Variants in MAN2C1 observed in about 807,000 individuals in gnomAD.
MAN2C1 encodes mannosidase alpha class 2C member 1.
A neutral mutation model predicts 126.9 loss-of-function variants in MAN2C1; 111 were observed. The observed-to-expected ratio is 0.87, with a 90% confidence interval of 0.75 to 1.02. The LOEUF (loss-of-function observed/expected upper bound fraction) is 1.02. Ranked by LOEUF, MAN2C1 falls within the 50% of genes least tolerant of loss-of-function variation. MAN2C1 has a pLI of 0.00. For missense variants in MAN2C1, 1,363 were observed against 1,364.4 expected (o/e 1.00, Z 0.02); for synonymous variants, 567 against 561.5 (o/e 1.01, Z -0.14).
chr15:75,360,726 G>T, intron 12 of MAN2C1, 38 bp from the exon 13 acceptor site: 1 of 1,607,752 alleles, frequency 6.2e-7, no homozygotes, highest in South Asian at 1.1e-5. Flanking sequence ...CAGCCTTGGA[G>T]ACCACATGGC....
chr15:75,356,354 A>G lies in MAN2C1; in HGVS notation c.2833T>C (p.Trp945Arg). Residue 945 changes from tryptophan to arginine, a missense_variant, in exon 24 of 26, where the codon TGG becomes CGG. By Grantham distance (101) the Trp-to-Arg change is moderately radical. This residue lies in a region of MAN2C1 where 668 missense variants were observed against 650.1 expected (regional missense o/e 1.03). Transcript: ENST00000267978. This position sits in a 1 kb window ranked among gnomAD's most constrained non-coding sequence, Gnocchi z 5.8. ...GGTGAAGACACGGAAAACGCACTCC[A>G]GGAGGTGGCGGGCGCTGGGCTGGGG... The part of the protein sequence containing the change: ...PAPSPAPATS[W>R]SAFSVSSPAV... 1 of 1,612,274 alleles carries G rather than the reference A, an allele frequency of 6.2e-7. No homozygotes were observed. The highest frequency in any genetic ancestry group is 8.5e-7 in the Non-Finnish European group (1 of 1,179,446).
At chr15:75,360,486 C>G in intron 13 of MAN2C1, 79 bp downstream of exon 13, 8 of 1,572,146 alleles carry the variant, frequency 5.1e-6, no homozygotes, top group Non-Finnish European at 6.9e-6. Context: ...GGCCTGGGCT[C>G]TGTCCCCTGC....
chr15:75,358,857 T>C (rs1475285840), intron 18 of MAN2C1, 49 bp from the exon 19 acceptor site: 2 of 1,502,644 alleles, frequency 1.3e-6, no homozygotes, highest in Non-Finnish European at 1.8e-6. Context: ...CCTCGCTGTC[T>C]CCAGCTGCTC....
chr15:75,368,566 G>C lies in MAN2C1; in HGVS notation c.18C>G (p.Ala6=). Residue 6 remains alanine (A), a synonymous_variant, in exon 1 of 26, where the codon GCC becomes GCG. Transcript: ENST00000267978. ...CCAGCGTGGTGCGCCAGTGCTTCAA[G>C]GCCGGCGCAGCCGCCATCGCCGGGC... MAAAP[A]LKHWRTTLER... is the part of the protein sequence containing the mutation. 1 of 1,547,232 alleles carries C rather than the reference G, an allele frequency of 6.5e-7. No individual in the cohort carries two copies. The highest frequency in any genetic ancestry group is 8.7e-7 in the Non-Finnish European group (1 of 1,146,642).
At position 75,356,417 on chromosome 15, in the gene MAN2C1, C is replaced by T; in HGVS notation, c.2770G>A (p.Ala924Thr). Residue 924 changes from alanine to threonine, a missense_variant, in exon 24 of 26, where the codon GCC (alanine) becomes ACC (threonine). Physicochemically the swap from Ala to Thr is moderately conservative, Grantham distance 58. Coordinates refer to ENST00000267978, the MANE Select transcript of MAN2C1 (RefSeq NM_006715.4). The surrounding 1 kb of genome is among the most constrained non-coding windows in gnomAD (Gnocchi z 5.8). ...AACAGGGGGAAGTTTAGGCTGTAGG[C>T]AGCTTGGATAACGCCAGCATCCTGG... ...SFQDAGVIQA[A>T]YSLNFPLLAL... The T allele has an allele frequency of 6.2e-7, 1 of 1,608,124 alleles. No individual in the cohort carries two copies. Among genetic ancestry groups the T allele is most frequent in the African/African-American group, 1.3e-5 (1 of 75,018 alleles).
intron 6 of MAN2C1, chr15:75,363,411 A>C: frequency 2.4e-6 from 1 of 420,052 alleles, no homozygotes; most frequent in Non-Finnish European, 4.8e-6. Flanking sequence ...AGTGCCTCAG[A>C]CTCCCCACCA....
At position 75,356,510 on chromosome 15, in the gene MAN2C1, G is replaced by A. The variant is rs577850118; in HGVS notation, c.2738-61C>T. On this transcript the variant is annotated intron_variant, in intron 23 of 25. Transcript: ENST00000267978. The surrounding 1 kb of genome is among the most constrained non-coding windows in gnomAD (Gnocchi z 5.8). Reference sequence around the variant, plus strand: ...TGGGGGCTACCCTCCCCTGTCCCTAGAAGGGGCAGGAAGCCAGGTTGCTGG... The same window carrying A: ...TGGGGGCTACCCTCCCCTGTCCCTAAAAGGGGCAGGAAGCCAGGTTGCTGG... 4.5e-6 allele frequency: 7 copies of A among 1,557,112 alleles called. No individual in the cohort carries two copies. In the African/African-American group the frequency reaches 8.1e-5, roughly 18 times the overall value.
Position 75,356,638 on chromosome 15 carries a change from T to C in MAN2C1, c.2705A>G (p.His902Arg), listed in dbSNP as rs750452105. ...APDATADTGR[H>R]EFTYALMPHK... is the part of the protein sequence containing the mutation. The stretch of plus-strand genomic sequence containing the variant: ...CGGCATCAGTGCATAGGTGAACTCG[T>C]GGCGCCCCGTGTCAGCAGTAGCGTC... Residue 902 changes from histidine (H) to arginine (R), a missense_variant, in exon 23 of 26, where the codon CAC becomes CGC. His to Arg is a conservative substitution (Grantham distance 29, BLOSUM62 0). Transcript: ENST00000267978. The surrounding 1 kb of genome is among the most constrained non-coding windows in gnomAD (Gnocchi z 5.8). The C allele has an allele frequency of 6.4e-7, 1 of 1,570,052 alleles. No homozygotes were observed. The highest frequency in any genetic ancestry group is 8.6e-7 in the Non-Finnish European group (1 of 1,157,978).
intron 2 of MAN2C1, 23 bp from the exon 3 acceptor site, chr15:75,367,657 G>C (rs773395551): frequency 3.1e-6 from 5 of 1,613,766 alleles, no homozygotes; most frequent in Non-Finnish European, 4.2e-6. Flanking sequence ...TGTTGTGATA[G>C]GCCTAGAGGT....
chr15:75,367,792 G>T (rs1289527543), intron 2 of MAN2C1, 158 bp from the exon 3 acceptor site: 1 of 994,704 alleles, frequency 1.0e-6, no homozygotes, highest in Admixed American at 2.8e-5. Flanking sequence ...AAGGTGAGAA[G>T]CAAGATGAGG....
intron 18 of MAN2C1, 82 bp from the exon 19 acceptor site, chr15:75,358,890 G>C: frequency 1.4e-6 from 2 of 1,384,100 alleles, no homozygotes; most frequent in Non-Finnish European, 2.0e-6. Context: ...GGTGGAGTGA[G>C]TAGACCCAGT....
At position 75,368,141 on chromosome 15, in the gene MAN2C1, T is replaced by C; in HGVS notation, c.159A>G (p.Arg53=). The change falls in exon 2 of 26, where the codon AGA becomes AGG. Residue 53 remains arginine (R), a synonymous_variant. Coordinates refer to ENST00000267978, the MANE Select transcript of MAN2C1 (RefSeq NM_006715.4). ...AVLSSFLTPE[R]LPYQEAVQRD... is the part of the protein sequence containing the mutation. The stretch of plus-strand genomic sequence containing the variant: ...GCTGGACTGCCTCCTGGTAGGGAAG[T>C]CTCTCCGGCGTCAGGAAGCTGGAGA... 6.2e-7 allele frequency: 1 copy of C among 1,605,340 alleles called. No individual in the cohort carries two copies.
intron 4 of MAN2C1, chr15:75,365,853 G>C (rs2072563996): frequency 1.5e-5 from 5 of 343,478 alleles, no homozygotes; most frequent in Non-Finnish European, 2.9e-5. Flanking sequence ...GGGAAGCTGA[G>C]AGGGGCGGAT....
At chr15:75,368,261 T>C in intron 1 of MAN2C1, 63 bp from the exon 2 acceptor site, 2 of 1,535,762 alleles carry the variant, frequency 1.3e-6, no homozygotes. Context: ...GGGGGCCAGC[T>C]GGCCGGTGGG....
At position 75,358,842 on chromosome 15, in the gene MAN2C1, A is replaced by G. The variant is rs779397683; in HGVS notation, c.2142-34T>C. The G allele has an allele frequency of 2.6e-6, 4 of 1,557,012 alleles. No individual in the cohort carries two copies. In the East Asian group the frequency reaches 9.0e-5, roughly 35 times the overall value. On this transcript the variant is annotated intron_variant, in intron 18 of 25. Transcript: ENST00000267978. ...ACATGGGATTGGTGCTGTACAACCA[A>G]CTGACCTCGCTGTCTCCAGCTGCTC...
Position 75,360,679 on chromosome 15 carries a change from T to C in MAN2C1, c.1470A>G (p.Leu490=), listed in dbSNP as rs139276438. 112 of 1,613,592 alleles carry C rather than the reference T, an allele frequency of 6.9e-5. No individual in the cohort carries two copies. Among genetic ancestry groups the C allele is most frequent in the African/African-American group, 3.5e-4 (26 of 75,050 alleles). The part of the protein sequence containing the change: ...SNTDGLPRVQ[L]SSPRQLFSAL... The stretch of plus-strand genomic sequence containing the variant: ...CTGAGAAGAGCTGTCTTGGAGAAGA[T>C]AGCTGCACCCTGAGGAGACCACAAG... Residue 490 remains leucine, a synonymous_variant, in exon 13 of 26, where the codon CTA becomes CTG. Coordinates refer to ENST00000267978, the MANE Select transcript of MAN2C1 (RefSeq NM_006715.4).
At chr15:75,364,467 G>A (rs377309324) in intron 5 of MAN2C1, 21 bp downstream of exon 5, 3 of 1,554,982 alleles carry the variant, frequency 1.9e-6, no homozygotes, top group African/African-American at 1.4e-5. Flanking sequence ...GGTAGCAGGG[G>A]GTACAGGGGG....
At position 75,367,828 on chromosome 15, in the gene MAN2C1, C is replaced by A. The variant is rs532944048; in HGVS notation, c.228-194G>T. 5.0e-5 allele frequency: 44 copies of A among 876,754 alleles called. No individual in the cohort carries two copies. The South Asian group carries it at 7.7e-4, about 15-fold the overall frequency. The allele number at this position is 876,754 out of a possible 1,614,324, so 54.3% of individuals were successfully genotyped here. A position where few individuals can be genotyped will look rare whatever the true frequency, so the allele number is the denominator to read the frequency against. Reference sequence around the variant, plus strand: ...GAAACAGGCAGAGGCGTCAAAGGTTCGTGATCCCTAGGGTGCCCTTCCTAA... The same window carrying A: ...GAAACAGGCAGAGGCGTCAAAGGTTAGTGATCCCTAGGGTGCCCTTCCTAA... On this transcript the variant is annotated intron_variant, in intron 2 of 25. Coordinates refer to ENST00000267978, the MANE Select transcript of MAN2C1 (RefSeq NM_006715.4).
intron 4 of MAN2C1, 119 bp from the exon 5 acceptor site, chr15:75,364,784 T>G: frequency 3.7e-6 from 3 of 806,042 alleles, no homozygotes; most frequent in Non-Finnish European, 5.6e-6. Flanking sequence ...CAGGATCCAC[T>G]ACCCAGAGGA....
Sources: gnomAD v4.1 joint callset for allele counts on GRCh38, gnomAD v4.1.1 for gene constraint, gnomAD v4.1.1 regional missense constraint, Gnocchi (gnomAD v3.1) non-coding constraint, MANE v1.5 for transcripts, NCBI Gene and HGNC (gene_info 2026-07-23, HGNC 2026-07-21) for gene names.